The following TFB1M variants were observed in gnomAD, a reference collection of about 807,000 sequenced individuals.
The protein encoded by TFB1M is transcription factor B1, mitochondrial, also known as dimethyladenosine transferase 1, mitochondrial.
Under a neutral mutation model 31.1 loss-of-function variants are expected in TFB1M, and 27 were observed. That is an observed-to-expected ratio of 0.87 (90% CI 0.64 to 1.20). TFB1M has a LOEUF of 1.20. Ranked by LOEUF, TFB1M falls within the 50% of genes most tolerant of loss-of-function variation. The pLI, the probability that TFB1M is intolerant of heterozygous loss-of-function variation, is 0.00. For synonymous variants in TFB1M, 166 were observed against 151.8 expected (o/e 1.09, Z -0.69); for missense variants, 394 against 418.7 (o/e 0.94, Z 0.51).
At chr6:155,261,593 C>T (rs1297509725) in intron 5 of TFB1M, among the ~76,000 whole-genome samples, 1 of 152,196 alleles carries the variant, frequency 6.6e-6, no homozygotes, top group African/African-American at 2.4e-5. Flanking sequence ...TGCTCAGCCT[C>T]ACACAGCCTG....
At chr6:155,277,943 A>T (rs1785296930) in intron 5 of TFB1M, among the ~76,000 whole-genome samples, 1 of 152,194 alleles carries the variant, frequency 6.6e-6, no homozygotes, top group African/African-American at 2.4e-5. Context: ...AGTTATCTTT[A>T]TATCTGCTAT....
Position 155,275,870 on chromosome 6 carries a change from T to C in TFB1M, c.666+9288A>G, listed in dbSNP as rs766123364. The C allele has an allele frequency of 3.0e-5, 48 of 1,614,166 alleles. 1 individual carries two copies. The highest frequency in any genetic ancestry group is 1.6e-4 in the South Asian group (15 of 91,078). Reference sequence around the variant, plus strand: ...AGCCATTGTACAGCTGCACGGGCTCTGGATGGACTGTACGTGGTACAGCAC... The same window carrying C: ...AGCCATTGTACAGCTGCACGGGCTCCGGATGGACTGTACGTGGTACAGCAC... On this transcript the variant is annotated intron_variant, in intron 5 of 6. Coordinates refer to ENST00000367166, the MANE Select transcript of TFB1M (RefSeq NM_016020.4).
chr6:155,240,472 A>T, the TFB1M span: 1 of 1,526,610 alleles, frequency 6.6e-7, no homozygotes. Flanking sequence ...CCTTGGGGGC[A>T]GCGGATACTA....
Position 155,256,231 on chromosome 6 carries a change from T to C in TFB1M, c.*1605A>G. ...AGCCCATGTAGTAGTTTCTAGTGTC[T>C]AGTTCTATTTACATAATTGAGCTCT... On this transcript the variant is annotated 3_prime_UTR_variant, in exon 7 of 7. Transcript: ENST00000367166. The C allele has an allele frequency of 1.7e-6, 1 of 598,954 alleles. No homozygotes were observed. The highest frequency in any genetic ancestry group is 2.1e-5 in the South Asian group (1 of 48,060). The allele number at this position is 598,954 out of a possible 1,614,324, so 37.1% of individuals were successfully genotyped here.
intron 2 of TFB1M, among the ~76,000 whole-genome samples, chr6:155,306,207 G>A (rs529453094): frequency 1.4e-4 from 22 of 152,272 alleles, no homozygotes; most frequent in African/African-American, 5.1e-4. Flanking sequence ...TACCAAGTCT[G>A]AGCAAGCATG....
the TFB1M span, chr6:155,245,861 G>C: frequency 1.9e-6 from 1 of 536,820 alleles, no homozygotes; most frequent in Non-Finnish European, 3.1e-6. Context: ...CCTTGACCTT[G>C]ACAGTGGCAA....
At chr6:155,249,735 C>T in the TFB1M span, 1 of 744,996 alleles carries the variant, frequency 1.3e-6, no homozygotes, top group African/African-American at 1.8e-5. Flanking sequence ...AATGCTCCTG[C>T]TAGTGGGTAC....
At chr6:155,258,516 A>G (rs1032126233) in intron 6 of TFB1M, among the ~76,000 whole-genome samples, 6 of 147,906 alleles carry the variant, frequency 4.1e-5, no homozygotes, top group Admixed American at 2.8e-4. Context: ...TTCACGCTAA[A>G]AGAGTTACTT....
chr6:155,309,838 A>T (rs2114816323), intron 2 of TFB1M, among the ~76,000 whole-genome samples: 1 of 152,350 alleles, frequency 6.6e-6, no homozygotes, highest in African/African-American at 2.4e-5. Flanking sequence ...TAAAATAAGA[A>T]CACAGTTCAA....
the TFB1M span, among the ~76,000 whole-genome samples, chr6:155,247,409 C>A: frequency 0.35 from 53,664 of 151,760 alleles, 10,341 homozygotes; most frequent in Middle Eastern, 0.51. Context: ...GCTCACTGCA[C>A]CCTCCACCTC....
At chr6:155,239,784 C>T in the TFB1M span, among the ~76,000 whole-genome samples, 3 of 152,208 alleles carry the variant, frequency 2.0e-5, no homozygotes, top group Admixed American at 1.3e-4. Flanking sequence ...GCTCCCTCCT[C>T]GCAGAGGTTT....
At chr6:155,302,000 T>TA (rs948322907) in intron 2 of TFB1M, among the ~76,000 whole-genome samples, 7 of 151,832 alleles carry the variant, frequency 4.6e-5, no homozygotes, top group Admixed American at 3.3e-4. Context: ...TGTGGCCATT[T>TA]AAAAAAAAAT....
intron 2 of TFB1M, among the ~76,000 whole-genome samples, chr6:155,305,548 A>AATATATATTAAATTATATATTT (rs1562425603): frequency 4.0e-5 from 2 of 50,584 alleles, no homozygotes; most frequent in Non-Finnish European, 6.0e-5. Context: ...TATATATATA[A>AATATATATTAAATTATATATTT]ATATATATTA....
chr6:155,237,503 C>A, the TFB1M span, among the ~76,000 whole-genome samples: 1 of 152,228 alleles, frequency 6.6e-6, no homozygotes, highest in African/African-American at 2.4e-5. Flanking sequence ...GGGCTCCAAC[C>A]CCACATTTCC....
intron 4 of TFB1M, among the ~76,000 whole-genome samples, chr6:155,291,467 TAAG>T (rs1776921445): frequency 6.6e-6 from 1 of 152,096 alleles, no homozygotes; most frequent in African/African-American, 2.4e-5. Context: ...ACAAAGACCT[TAAG>T]AAAAGTGGTG....
At chr6:155,268,362 C>G (rs547366138) in intron 5 of TFB1M, among the ~76,000 whole-genome samples, 1 of 152,186 alleles carries the variant, frequency 6.6e-6, no homozygotes, top group African/African-American at 2.4e-5. Context: ...TCCCCTTAAC[C>G]CTGATCCCCA....
At chr6:155,254,204 T>C (rs749144368), downstream of TFB1M, 17 of 1,001,094 alleles carry the variant, frequency 1.7e-5, no homozygotes, top group Admixed American at 2.7e-5. Context: ...CTGAGGCCGC[T>C]AGTAGGAGAC....
chr6:155,244,282 A>G, the TFB1M span, among the ~76,000 whole-genome samples: 3 of 152,220 alleles, frequency 2.0e-5, no homozygotes, highest in Admixed American at 6.5e-5. Flanking sequence ...AGTGTTTACA[A>G]AGGCAGAGGG....
Position 155,256,365 on chromosome 6 carries a change from C to G in TFB1M, c.*1471G>C. 9 of 1,438,974 alleles carry G rather than the reference C, an allele frequency of 6.3e-6. No homozygotes were observed. Among genetic ancestry groups the G allele is most frequent in the Non-Finnish European group, 7.5e-6 (8 of 1,067,486 alleles). 89.1% of individuals were successfully genotyped at this position (1,438,974 alleles called of 1,614,324 possible). On this transcript the variant is annotated 3_prime_UTR_variant, in exon 7 of 7. Transcript: ENST00000367166. ...GCCTAATTACCAGGATAGTTGCTAACTGAAGTCATATCATAAAATAAAATC... is the reference window on the plus strand; with the variant it reads ...GCCTAATTACCAGGATAGTTGCTAAGTGAAGTCATATCATAAAATAAAATC...
Sources: gnomAD v4.1 joint callset for allele counts (sites outside exome capture counted in the v4.1 genomes callset) on GRCh38, gnomAD v4.1.1 for gene constraint, MANE v1.5 for transcripts, NCBI Gene and HGNC (gene_info 2026-07-23, HGNC 2026-07-21) for gene names.